Variants in ZFYVE1 observed in about 807,000 individuals in gnomAD.
ZFYVE1 encodes the protein zinc finger FYVE-type containing 1, also known as zinc finger FYVE domain-containing protein 1.
ZFYVE1 carries 30 observed loss-of-function variants against 74.4 expected under a neutral mutation model. The ratio of observed to expected loss-of-function variants is 0.40; its 90% CI spans 0.30 to 0.55. ZFYVE1 has a LOEUF of 0.55. Ranked by LOEUF, ZFYVE1 falls within the 20% of genes least tolerant of loss-of-function variation. The pLI, the probability that ZFYVE1 is intolerant of heterozygous loss-of-function variation, is 0.42. For missense variants in ZFYVE1, 703 were observed against 1,011.6 expected (o/e 0.69, Z 4.14); for synonymous variants, 335 against 385.1 (o/e 0.87, Z 1.52).
chr14:73,024,585 G>C lies in ZFYVE1; in HGVS notation c.-77C>G. On this transcript the variant is annotated 5_prime_UTR_variant, in exon 2 of 12. Transcript: ENST00000556143. Reference sequence around the variant, plus strand: ...CCCGGGGGTGAAGACGAAGATTTGAGTCTGAAGACTGCACGAAACTTCCAC... The same window carrying C: ...CCCGGGGGTGAAGACGAAGATTTGACTCTGAAGACTGCACGAAACTTCCAC... The C allele has an allele frequency of 1.3e-6, 2 of 1,511,044 alleles. No individual in the cohort carries two copies. Among genetic ancestry groups the C allele is most frequent in the Non-Finnish European group, 1.8e-6 (2 of 1,130,714 alleles). 93.6% of individuals were successfully genotyped at this position (1,511,044 alleles called of 1,614,324 possible).
At chr14:73,009,967 C>T (rs758941643) in intron 2 of ZFYVE1, among the ~76,000 whole-genome samples, 20 of 151,934 alleles carry the variant, frequency 1.3e-4, no homozygotes, top group Admixed American at 6.6e-5. Context: ...GTTAGCTGGG[C>T]ATGGTGGTAC....
intron 2 of ZFYVE1, among the ~76,000 whole-genome samples, chr14:73,000,697 C>A (rs934885995): frequency 6.6e-6 from 1 of 152,022 alleles, no homozygotes; most frequent in Admixed American, 6.6e-5. Flanking sequence ...AATCACATAG[C>A]CAGTCCGGAA....
intron 5 of ZFYVE1, among the ~76,000 whole-genome samples, chr14:72,980,836 G>A (rs932748600): frequency 6.6e-6 from 1 of 152,134 alleles, no homozygotes; most frequent in African/African-American, 2.4e-5. Flanking sequence ...GATTACAGGC[G>A]TAAGCCACCG....
At chr14:72,989,763 A>G (rs1893564361) in intron 4 of ZFYVE1, among the ~76,000 whole-genome samples, 1 of 151,836 alleles carries the variant, frequency 6.6e-6, no homozygotes, top group Admixed American at 6.6e-5. Flanking sequence ...ACACCACTGC[A>G]CTCCAGCCTG....
At chr14:72,993,104 C>G in intron 4 of ZFYVE1, 39 bp downstream of exon 4, 1 of 1,525,408 alleles carries the variant, frequency 6.6e-7, no homozygotes, top group Non-Finnish European at 8.8e-7. Context: ...CACCCACTGG[C>G]ACCCCAATGA....
chr14:73,010,722 A>T (rs983334814), intron 2 of ZFYVE1, among the ~76,000 whole-genome samples: 1 of 138,928 alleles, frequency 7.2e-6, no homozygotes, highest in Admixed American at 7.6e-5. Flanking sequence ...GTGAGCTGAG[A>T]TTGTGCCACT....
At chr14:73,000,616 A>G (rs567445396) in intron 2 of ZFYVE1, among the ~76,000 whole-genome samples, 1 of 152,188 alleles carries the variant, frequency 6.6e-6, no homozygotes, top group African/African-American at 2.4e-5. Context: ...AAGAAAAAAA[A>G]AAAAAAGACA....
In ZFYVE1 at chr14:72,993,348, G is replaced by A. The variant is rs745337580; in HGVS notation, c.998C>T (p.Ser333Leu). Reference protein sequence around the residue: ...HTQLLGSDHPSEVPEKLIQDR... With the variant: ...HTQLLGSDHPLEVPEKLIQDR... ...CTGGATGAGCTTCTCTGGCACCTCT[G>A]AGGGATGATCTATACAAGCAGAAAC... The change falls in exon 4 of 12, where the codon TCA (serine) becomes TTA (leucine). Residue 333 changes from serine (S) to leucine (L), a missense_variant. This residue lies in a region of ZFYVE1 where 492 missense variants were observed against 790.0 expected (regional missense o/e 0.62). Coordinates refer to ENST00000556143, the MANE Select transcript of ZFYVE1 (RefSeq NM_021260.4). The A allele has an allele frequency of 6.2e-7, 1 of 1,612,448 alleles. No homozygotes were observed. Among genetic ancestry groups the A allele is most frequent in the Non-Finnish European group, 8.5e-7 (1 of 1,179,698 alleles).
intron 2 of ZFYVE1, among the ~76,000 whole-genome samples, chr14:73,018,898 C>T (rs1177331412): frequency 5.3e-5 from 8 of 149,976 alleles, no homozygotes; most frequent in Admixed American, 3.4e-4. Flanking sequence ...GAGCCAAGAT[C>T]GTGCCACTGA....
At chr14:73,008,559 C>T (rs1032045800) in intron 2 of ZFYVE1, among the ~76,000 whole-genome samples, 1 of 152,152 alleles carries the variant, frequency 6.6e-6, no homozygotes, top group African/African-American at 2.4e-5. Flanking sequence ...ATCCAACACA[C>T]CCAGTTCAGC....
chr14:72,999,783 G>A (rs1247919330), intron 2 of ZFYVE1, among the ~76,000 whole-genome samples: 3 of 152,172 alleles, frequency 2.0e-5, no homozygotes, highest in Non-Finnish European at 4.4e-5. Context: ...AAAGAGGCGG[G>A]GCATGGTAGC....
intron 2 of ZFYVE1, among the ~76,000 whole-genome samples, chr14:73,004,625 C>T (rs1425393576): frequency 6.6e-6 from 1 of 152,104 alleles, no homozygotes; most frequent in Non-Finnish European, 1.5e-5. Context: ...GGAGGAGGAA[C>T]TCAAAGCTCC....
chr14:73,006,339 C>T (rs1893978816), intron 2 of ZFYVE1, among the ~76,000 whole-genome samples: 1 of 152,000 alleles, frequency 6.6e-6, no homozygotes, highest in African/African-American at 2.4e-5. Context: ...CTTTGGGAGG[C>T]CTAGGAAGGT....
chr14:72,971,371 C>T (rs1893031359), intron 11 of ZFYVE1, among the ~76,000 whole-genome samples: 1 of 152,142 alleles, frequency 6.6e-6, no homozygotes, highest in South Asian at 2.1e-4. Context: ...GAGTCTCATT[C>T]TGTCGCCCAG....
intron 2 of ZFYVE1, among the ~76,000 whole-genome samples, chr14:73,016,883 G>GA (rs578144383): frequency 2.7e-5 from 4 of 150,424 alleles, no homozygotes; most frequent in Admixed American, 2.0e-4. Context: ...TCCCAAAGAA[G>GA]AAAAAAAAAG....
chr14:72,975,227 C>A lies in ZFYVE1; in HGVS notation c.1807-268G>T. On this transcript the variant is annotated intron_variant, in intron 9 of 11. Coordinates refer to ENST00000556143, the MANE Select transcript of ZFYVE1 (RefSeq NM_021260.4). The surrounding 1 kb of genome is among the most constrained non-coding windows in gnomAD (Gnocchi z 4.1). Reference sequence around the variant, plus strand: ...CGTTAATGGATCAAGCTGAGGATGACCCTAAATAACCTCTAAAGACCCCTT... The same window carrying A: ...CGTTAATGGATCAAGCTGAGGATGAACCTAAATAACCTCTAAAGACCCCTT... 2 of 507,626 alleles carry A rather than the reference C, an allele frequency of 3.9e-6. No homozygotes were observed. Among genetic ancestry groups the A allele is most frequent in the South Asian group, 3.3e-5 (1 of 30,326 alleles). 31.4% of individuals were successfully genotyped at this position (507,626 alleles called of 1,614,324 possible).
intron 2 of ZFYVE1, among the ~76,000 whole-genome samples, chr14:73,014,679 A>G (rs949249086): frequency 1.3e-5 from 2 of 152,238 alleles, no homozygotes; most frequent in Admixed American, 1.3e-4. Context: ...TGGAAGAGAA[A>G]AATGGGAAAA....
Position 72,998,211 on chromosome 14 carries a change from A to T in ZFYVE1, c.588T>A (p.Thr196=). The T allele has an allele frequency of 6.2e-7, 1 of 1,613,122 alleles. No homozygotes were observed. Among genetic ancestry groups the T allele is most frequent in the Non-Finnish European group, 8.5e-7 (1 of 1,179,644 alleles). ...FGNTGDGKSH[T]LNHTFFYGRE... ...GACCATAAAAGAAAGTGTGGTTGAGAGTATGAGACTTTCCATCACCAGTAT... is the reference window on the plus strand; with the variant it reads ...GACCATAAAAGAAAGTGTGGTTGAGTGTATGAGACTTTCCATCACCAGTAT... Residue 196 remains threonine (T), a synonymous_variant, in exon 3 of 12, where the codon ACT becomes ACA. Coordinates refer to ENST00000556143, the MANE Select transcript of ZFYVE1 (RefSeq NM_021260.4).
At chr14:72,996,527 G>T (rs1051546199) in intron 3 of ZFYVE1, among the ~76,000 whole-genome samples, 3 of 152,098 alleles carry the variant, frequency 2.0e-5, no homozygotes, top group African/African-American at 7.2e-5. Context: ...CCAAAGTGCT[G>T]AGATTACAGG....
Sources: gnomAD v4.1 joint callset for allele counts (sites outside exome capture counted in the v4.1 genomes callset) on GRCh38, gnomAD v4.1.1 for gene constraint, gnomAD v4.1.1 regional missense constraint, Gnocchi (gnomAD v3.1) non-coding constraint, MANE v1.5 for transcripts, NCBI Gene and HGNC (gene_info 2026-07-23, HGNC 2026-07-21) for gene names.